C1GALT1: variants seen among roughly 807,000 people sequenced by gnomAD.
The protein encoded by C1GALT1 is core 1 synthase, glycoprotein-N-acetylgalactosamine 3-beta-galactosyltransferase 1, also known as glycoprotein-N-acetylgalactosamine 3-beta-galactosyltransferase 1.
A neutral mutation model predicts 31.0 loss-of-function variants in C1GALT1; 11 were observed. That is an observed-to-expected ratio of 0.36 (90% CI 0.22 to 0.59). The LOEUF is 0.59. C1GALT1 is among the 20% of genes least tolerant of loss of function. C1GALT1 has a pLI of 0.79. For synonymous variants in C1GALT1, 175 were observed against 143.6 expected, an observed-to-expected ratio of 1.22 and a Z score of -1.56; for missense variants, 424 against 425.2, an observed-to-expected ratio of 1.00 and a Z score of 0.03.
chr7:7,185,358 G>A (rs1302953376), intron 1 of C1GALT1, among the ~76,000 whole-genome samples: 1 of 152,196 alleles, frequency 6.6e-6, no homozygotes, highest in Non-Finnish European at 1.5e-5. Flanking sequence ...ATAGTTATTT[G>A]CATTCTTGGT....
chr7:7,187,459 T>A (rs1780870319), intron 1 of C1GALT1, among the ~76,000 whole-genome samples: 1 of 152,066 alleles, frequency 6.6e-6, no homozygotes, highest in Admixed American at 6.6e-5. Context: ...AGGGGAGATC[T>A]TTTATGTAAA....
intron 1 of C1GALT1, among the ~76,000 whole-genome samples, chr7:7,227,448 C>T (rs977271649): frequency 7.9e-5 from 12 of 152,112 alleles, no homozygotes; most frequent in South Asian, 2.1e-4. Flanking sequence ...AGGCCGGGCG[C>T]GGTGGCTCAC....
At chr7:7,214,619 G>C (rs1782147090) in intron 1 of C1GALT1, among the ~76,000 whole-genome samples, 1 of 152,126 alleles carries the variant, frequency 6.6e-6, no homozygotes, top group Non-Finnish European at 1.5e-5. Context: ...GGCTTAATCA[G>C]GTAATGACTC....
At chr7:7,188,053 A>G (rs926364588) in intron 1 of C1GALT1, among the ~76,000 whole-genome samples, 4 of 152,170 alleles carry the variant, frequency 2.6e-5, no homozygotes, top group African/African-American at 9.7e-5. Flanking sequence ...CAGAGAGGTT[A>G]GATATTGTAA....
intron 2 of C1GALT1, among the ~76,000 whole-genome samples, chr7:7,167,899 C>T (rs140358225): frequency 6.6e-6 from 1 of 152,132 alleles, no homozygotes; most frequent in African/African-American, 2.4e-5. Flanking sequence ...TGGTTAGCTT[C>T]GGCCTTATGG....
At chr7:7,203,797 C>T (rs1781616487) in intron 1 of C1GALT1, among the ~76,000 whole-genome samples, 1 of 152,062 alleles carries the variant, frequency 6.6e-6, no homozygotes, top group East Asian at 1.9e-4. Flanking sequence ...TCCATGATCT[C>T]AAACACTTCT....
At chr7:7,211,764 T>C (rs1280754320) in intron 1 of C1GALT1, among the ~76,000 whole-genome samples, 1 of 152,236 alleles carries the variant, frequency 6.6e-6, no homozygotes, top group Admixed American at 6.5e-5. Context: ...GCAGGATAAT[T>C]TCCCACAATT....
intron 2 of C1GALT1, among the ~76,000 whole-genome samples, chr7:7,158,524 G>A (rs959479079): frequency 6.6e-6 from 1 of 151,416 alleles, no homozygotes; most frequent in Non-Finnish European, 1.5e-5. Context: ...CATAGCTATT[G>A]TAAACACTTA....
At chr7:7,215,464 G>T (rs918988611) in intron 1 of C1GALT1, among the ~76,000 whole-genome samples, 1 of 135,006 alleles carries the variant, frequency 7.4e-6, no homozygotes, top group Non-Finnish European at 1.5e-5. Context: ...CAGGCTTCTG[G>T]GTTCCCTTTC....
intron 1 of C1GALT1, among the ~76,000 whole-genome samples, chr7:7,205,123 A>G (rs1215399522): frequency 6.6e-6 from 1 of 151,848 alleles, no homozygotes; most frequent in Non-Finnish European, 1.5e-5. Context: ...AAGTCTCCCA[A>G]CTGTTATCAT....
At chr7:7,186,747 C>T (rs752962761) in intron 1 of C1GALT1, among the ~76,000 whole-genome samples, 1 of 152,106 alleles carries the variant, frequency 6.6e-6, no homozygotes, top group Admixed American at 6.5e-5. Flanking sequence ...GTGTGAAGAC[C>T]CTGGCACGTT....
intron 2 of C1GALT1, among the ~76,000 whole-genome samples, chr7:7,160,199 A>T (rs1274935752): frequency 1.3e-5 from 2 of 152,208 alleles, no homozygotes; most frequent in African/African-American, 4.8e-5. Context: ...ATGGAACTAG[A>T]GATCTGTTTC....
chr7:7,202,659 G>A (rs574966692), intron 1 of C1GALT1, among the ~76,000 whole-genome samples: 1 of 152,220 alleles, frequency 6.6e-6, no homozygotes, highest in East Asian at 1.9e-4. Context: ...GTAAGTATGA[G>A]TTTTCTAGCT....
At chr7:7,206,993 A>G (rs1348753238) in intron 1 of C1GALT1, among the ~76,000 whole-genome samples, 1 of 151,986 alleles carries the variant, frequency 6.6e-6, no homozygotes, top group African/African-American at 2.4e-5. Context: ...GTTTATATTC[A>G]TGCCTTTTAT....
intron 2 of C1GALT1, among the ~76,000 whole-genome samples, chr7:7,174,276 G>T (rs1034506744): frequency 6.6e-6 from 1 of 152,194 alleles, no homozygotes; most frequent in African/African-American, 2.4e-5. Flanking sequence ...ACATAAAAGC[G>T]CATCTTGGTT....
At chr7:7,177,314 T>A (rs1347968932) in intron 2 of C1GALT1, among the ~76,000 whole-genome samples, 1 of 152,190 alleles carries the variant, frequency 6.6e-6, no homozygotes, top group Non-Finnish European at 1.5e-5. Context: ...TGTTCCAGTA[T>A]ATAAAGCCTT....
intron 1 of C1GALT1, among the ~76,000 whole-genome samples, chr7:7,204,874 G>T (rs1781670323): frequency 6.6e-6 from 1 of 152,026 alleles, no homozygotes; most frequent in South Asian, 2.1e-4. Context: ...TAACTTCATT[G>T]TATTGTGCTC....
intron 3 of C1GALT1, among the ~76,000 whole-genome samples, chr7:7,241,109 ATC>A (rs60015770): frequency 1.3e-5 from 2 of 151,746 alleles, no homozygotes; most frequent in African/African-American, 4.8e-5. Context: ...TTACATATAT[ATC>A]TCTCTACATG....
intron 1 of C1GALT1, among the ~76,000 whole-genome samples, chr7:7,208,243 A>T (rs370307993): frequency 6.6e-6 from 1 of 152,142 alleles, no homozygotes; most frequent in Admixed American, 6.5e-5. Flanking sequence ...GTTAACCTTT[A>T]TTTTACGTAA....
Sources: allele counts gnomAD v4.1 joint callset (sites outside exome capture counted in the v4.1 genomes callset), GRCh38; gene constraint gnomAD v4.1.1; transcripts MANE v1.5; gene names NCBI Gene and HGNC (gene_info 2026-07-23, HGNC 2026-07-21).